DPP10: variants seen among roughly 807,000 people sequenced by gnomAD.
The protein encoded by DPP10 is inactive dipeptidyl peptidase 10.
In DPP10, 33 loss-of-function variants were observed where a neutral mutation model predicts 120.9. That is an observed-to-expected ratio of 0.27 (90% confidence interval 0.21 to 0.37). DPP10 has a LOEUF of 0.37. DPP10 is among the 10% of genes least tolerant of loss of function. The pLI, the probability that DPP10 is intolerant of heterozygous loss-of-function variation, is 1.00. For synonymous variants in DPP10, 337 were observed against 326.1 expected, an observed-to-expected ratio of 1.03 and a Z score of -0.36; for missense variants, 816 against 942.8, an observed-to-expected ratio of 0.87 and a Z score of 1.76.
At chr2:115,184,497 A>G (rs1031299144) in intron 1 of DPP10, among the ~76,000 whole-genome samples, 10 of 152,236 alleles carry the variant, frequency 6.6e-5, no homozygotes, top group African/African-American at 1.9e-4. Context: ...GGATGCAACA[A>G]GAGTCACATT....
At chr2:115,687,632 C>T (rs1244670405) in intron 5 of DPP10, among the ~76,000 whole-genome samples, 4 of 129,974 alleles carry the variant, frequency 3.1e-5, no homozygotes, top group Admixed American at 3.0e-4. Flanking sequence ...ACACTTACTG[C>T]AAGAGACAAT....
At chr2:115,745,730 A>G (rs775463806) in intron 9 of DPP10, among the ~76,000 whole-genome samples, 2 of 150,146 alleles carry the variant, frequency 1.3e-5, no homozygotes, top group African/African-American at 2.4e-5. Flanking sequence ...CATATCCTCT[A>G]ATGTGAATAA....
chr2:115,318,901 T>G (rs1410985955), intron 2 of DPP10, among the ~76,000 whole-genome samples: 1 of 152,154 alleles, frequency 6.6e-6, no homozygotes, highest in Non-Finnish European at 1.5e-5. Context: ...GACCATCTTT[T>G]AGTTCTTTTT....
chr2:115,395,954 G>A (rs1310367582), intron 3 of DPP10, among the ~76,000 whole-genome samples: 1 of 152,052 alleles, frequency 6.6e-6, no homozygotes, highest in Non-Finnish European at 1.5e-5. Context: ...ATTTCTGATA[G>A]TGAAATACCC....
intron 3 of DPP10, among the ~76,000 whole-genome samples, chr2:115,452,059 A>T (rs948201746): frequency 6.6e-6 from 1 of 151,944 alleles, no homozygotes; most frequent in Non-Finnish European, 1.5e-5. Context: ...TCTTAAGGTC[A>T]CATAGTATGT....
chr2:115,514,398 C>T (rs897736172), intron 4 of DPP10, among the ~76,000 whole-genome samples: 11 of 151,356 alleles, frequency 7.3e-5, no homozygotes, highest in Admixed American at 5.9e-4. Context: ...TTATGGTTTT[C>T]CTTCTTTTTA....
chr2:114,960,183 T>C (rs1389287517), intron 1 of DPP10, among the ~76,000 whole-genome samples: 1 of 152,152 alleles, frequency 6.6e-6, no homozygotes, highest in African/African-American at 2.4e-5. Flanking sequence ...GCTGATATTT[T>C]AGTGCCTTTC....
chr2:115,350,134 T>C (rs2063931568), intron 3 of DPP10, among the ~76,000 whole-genome samples: 1 of 152,048 alleles, frequency 6.6e-6, no homozygotes, highest in African/African-American at 2.4e-5. Flanking sequence ...ATAAATCAAT[T>C]TGCATCTTTT....
chr2:114,568,857 A>G (rs1689413659), intron 1 of DPP10, among the ~76,000 whole-genome samples: 1 of 152,160 alleles, frequency 6.6e-6, no homozygotes. Context: ...CACCAAATCT[A>G]TTTTGGTCCC....
chr2:115,118,954 A>G (rs2049679551), intron 1 of DPP10, among the ~76,000 whole-genome samples: 1 of 152,132 alleles, frequency 6.6e-6, no homozygotes, highest in Non-Finnish European at 1.5e-5. Flanking sequence ...TTTATTAAAA[A>G]GTTTTACAGC....
intron 5 of DPP10, among the ~76,000 whole-genome samples, chr2:115,553,746 A>G (rs980111004): frequency 4.6e-5 from 7 of 151,696 alleles, no homozygotes; most frequent in Admixed American, 1.3e-4. Flanking sequence ...CACCACAACC[A>G]TGATTTGGAT....
intron 1 of DPP10, among the ~76,000 whole-genome samples, chr2:114,839,447 A>G (rs1341940730): frequency 6.6e-6 from 1 of 152,192 alleles, no homozygotes; most frequent in Non-Finnish European, 1.5e-5. Flanking sequence ...AACAAAATTT[A>G]TTAACATAAA....
intron 5 of DPP10, among the ~76,000 whole-genome samples, chr2:115,599,964 A>G (rs1322670666): frequency 6.6e-6 from 1 of 152,036 alleles, no homozygotes; most frequent in Non-Finnish European, 1.5e-5. Context: ...GAGTTTATGC[A>G]CTGAATTAAG....
At chr2:114,947,995 A>C (rs535662580) in intron 1 of DPP10, among the ~76,000 whole-genome samples, 1 of 152,054 alleles carries the variant, frequency 6.6e-6, no homozygotes, top group Non-Finnish European at 1.5e-5. Flanking sequence ...GTTTTAAAAA[A>C]TTATTGGTCA....
intron 1 of DPP10, among the ~76,000 whole-genome samples, chr2:114,460,169 ATATCTATCTATC>A (rs10686701): frequency 0.28 from 42,246 of 148,336 alleles, 6,472 homozygotes; most frequent in Admixed American, 0.38. Context: ...ATTTGGGATG[ATATCTATCTATC>A]TATCTATCTA....
intron 13 of DPP10, among the ~76,000 whole-genome samples, chr2:115,768,855 A>G (rs544231490): frequency 6.6e-6 from 1 of 152,170 alleles, no homozygotes; most frequent in Admixed American, 6.6e-5. Context: ...CATCCCCACA[A>G]GCAAATACAG....
intron 1 of DPP10, among the ~76,000 whole-genome samples, chr2:114,954,372 A>G (rs1193306105): frequency 6.6e-6 from 1 of 152,080 alleles, no homozygotes; most frequent in South Asian, 2.1e-4. Flanking sequence ...CATGAGCCAC[A>G]GCGCCCGGCC....
At chr2:114,513,301 TC>T (rs1203533478) in intron 1 of DPP10, among the ~76,000 whole-genome samples, 1 of 151,972 alleles carries the variant, frequency 6.6e-6, no homozygotes, top group African/African-American at 2.4e-5. Flanking sequence ...GGCAGGTGGA[TC>T]ATGAGGTCAG....
At chr2:115,792,452 T>C (rs1162976880) in intron 19 of DPP10, among the ~76,000 whole-genome samples, 4 of 152,036 alleles carry the variant, frequency 2.6e-5, no homozygotes, top group Non-Finnish European at 5.9e-5. Context: ...ACAGAAATAA[T>C]ATAATATTTA....
Sources: gnomAD v4.1 joint callset for allele counts (sites outside exome capture counted in the v4.1 genomes callset) on GRCh38, gnomAD v4.1.1 for gene constraint, MANE v1.5 for transcripts, NCBI Gene and HGNC (gene_info 2026-07-23, HGNC 2026-07-21) for gene names.